The following WWOX variants were observed in gnomAD, a reference collection of about 807,000 sequenced individuals.
The protein encoded by WWOX is WW domain containing oxidoreductase, also known as WW domain-containing oxidoreductase.
Under a neutral mutation model 46.2 loss-of-function variants are expected in WWOX, and 69 were observed. The ratio of observed to expected loss-of-function variants is 1.49; its 90% CI spans 1.23 to 1.82. The LOEUF is 1.82. WWOX is among the 40% of genes most tolerant of loss of function. The probability of loss-of-function intolerance (pLI) is 0.00; values close to 1 mark genes in which losing one functional copy is unlikely to be tolerated. For synonymous variants in WWOX, 359 were observed against 202.6 expected (o/e 1.77, Z -6.56); for missense variants, 919 against 542.6 (o/e 1.69, Z -6.89).
rs79034156 is a variant in WWOX at position 78,287,893 on chromosome 16, T to G, written c.517-98967T>G. Among the ~76,000 whole-genome samples, 277 of 152,340 alleles carry G rather than the reference T, an allele frequency of 1.8e-3. 1 individual carries two copies. The highest frequency in any genetic ancestry group is 6.2e-3 in the African/African-American group (258 of 41,586). On this transcript the variant is annotated intron_variant, in intron 5 of 8. Coordinates refer to ENST00000566780, the MANE Select transcript of WWOX (RefSeq NM_016373.4). ...TTTTAATGTTCCATTCTGAAGAAAC[T>G]GGTACAGCCTTTCTTTCCTGAGTTT...
intron 8 of WWOX, among the ~76,000 whole-genome samples, chr16:79,074,682 A>G (rs1597350150): frequency 6.6e-6 from 1 of 152,096 alleles, no homozygotes; most frequent in South Asian, 2.1e-4. Flanking sequence ...GAGATATAGT[A>G]AGTTGATCAG....
At chr16:78,761,243 G>C (rs980947801) in intron 8 of WWOX, among the ~76,000 whole-genome samples, 2 of 152,070 alleles carry the variant, frequency 1.3e-5, no homozygotes, top group African/African-American at 4.8e-5. Flanking sequence ...GTTTGTAGTA[G>C]ACCATAAGCA....
intron 8 of WWOX, among the ~76,000 whole-genome samples, chr16:78,983,581 C>G (rs537185547): frequency 2.0e-5 from 3 of 152,236 alleles, no homozygotes; most frequent in South Asian, 4.2e-4. Flanking sequence ...TCCCTTTTCT[C>G]CTTGCCACAC....
chr16:78,223,244 G>T (rs1211000661), intron 5 of WWOX, among the ~76,000 whole-genome samples: 1 of 152,170 alleles, frequency 6.6e-6, no homozygotes, highest in Non-Finnish European at 1.5e-5. Flanking sequence ...TATCTTGGAG[G>T]AGAATAGGCT....
chr16:79,204,665 C>G (rs2150839533), intron 8 of WWOX: 1 of 152,378 alleles, frequency 6.6e-6, no homozygotes, highest in Non-Finnish European at 1.5e-5. Context: ...GAGAGCGTAC[C>G]AAGGTCACCC....
At position 78,574,794 on chromosome 16, in the gene WWOX, G is replaced by A. The variant is rs1231361592; in HGVS notation, c.1056+142042G>A. Among the ~76,000 whole-genome samples the A allele has an allele frequency of 2.7e-5, 4 of 150,346 alleles. No homozygotes were observed. The South Asian group carries it at 6.4e-4, about 24-fold the overall frequency. ...AGAGAGTGAGAATGGTGGTTGCTGG[G>A]GCTAGGGGGTCAGTGAAGTGGGGAG... On this transcript the variant is annotated intron_variant, in intron 8 of 8. Coordinates refer to ENST00000566780, the MANE Select transcript of WWOX (RefSeq NM_016373.4).
intron 8 of WWOX, among the ~76,000 whole-genome samples, chr16:79,107,994 A>C (rs1307630029): frequency 1.3e-5 from 2 of 152,246 alleles, no homozygotes; most frequent in African/African-American, 2.4e-5. Context: ...ATTTATTCCT[A>C]TTCAGCATAT....
At chr16:78,149,024 C>T (rs1448727009) in intron 4 of WWOX, among the ~76,000 whole-genome samples, 1 of 150,844 alleles carries the variant, frequency 6.6e-6, no homozygotes, top group Non-Finnish European at 1.5e-5. Context: ...ACAGAATCTG[C>T]TCCATCACTC....
intron 8 of WWOX, among the ~76,000 whole-genome samples, chr16:78,595,065 C>T (rs1405194177): frequency 2.6e-5 from 4 of 152,132 alleles, no homozygotes; most frequent in Non-Finnish European, 5.9e-5. Context: ...TTGGGGACCC[C>T]AGGGTGGAAG....
At chr16:78,764,354 C>G (rs899564738) in intron 8 of WWOX, among the ~76,000 whole-genome samples, 38 of 151,548 alleles carry the variant, frequency 2.5e-4, no homozygotes, top group African/African-American at 9.2e-4. Flanking sequence ...TCCCTGTGAG[C>G]TTGACACAGG....
chr16:78,556,128 C>T (rs1408036403), intron 8 of WWOX, among the ~76,000 whole-genome samples: 3 of 152,004 alleles, frequency 2.0e-5, no homozygotes, highest in Admixed American at 6.6e-5. Flanking sequence ...AGACCACAGA[C>T]AGGCTTTTTC....
intron 5 of WWOX, among the ~76,000 whole-genome samples, chr16:78,291,114 G>A (rs4888776): frequency 0.52 from 78,840 of 152,058 alleles, 21,440 homozygotes; most frequent in East Asian, 0.77. Context: ...ATGTTTTTCA[G>A]TAGTGTCATG....
intron 8 of WWOX, among the ~76,000 whole-genome samples, chr16:79,131,644 C>G (rs577716771): frequency 6.6e-6 from 1 of 152,160 alleles, no homozygotes; most frequent in Non-Finnish European, 1.5e-5. Context: ...GAGGCTTTAT[C>G]TCTGCCATGG....
At chr16:78,560,615 G>T (rs575752386) in intron 8 of WWOX, among the ~76,000 whole-genome samples, 4 of 152,170 alleles carry the variant, frequency 2.6e-5, no homozygotes, top group African/African-American at 7.2e-5. Context: ...TTATACTCCA[G>T]TCTAGGCAAC....
At chr16:78,458,449 C>A (rs370623312) in intron 8 of WWOX, among the ~76,000 whole-genome samples, 4 of 151,786 alleles carry the variant, frequency 2.6e-5, no homozygotes, top group Non-Finnish European at 4.4e-5. Context: ...TTTATAGAGA[C>A]AAGGTTTCCC....
chr16:78,749,438 C>T (rs528220703), intron 8 of WWOX, among the ~76,000 whole-genome samples: 1 of 152,200 alleles, frequency 6.6e-6, no homozygotes, highest in South Asian at 2.1e-4. Flanking sequence ...AAGAGAGAGA[C>T]CCAAAATAGT....
At chr16:79,113,513 G>A (rs1274400830) in intron 8 of WWOX, among the ~76,000 whole-genome samples, 1 of 152,352 alleles carries the variant, frequency 6.6e-6, no homozygotes, top group East Asian at 1.9e-4. Flanking sequence ...CATTGTATAT[G>A]TTAATTCAAA....
chr16:78,876,470 CTT>C (rs5818185), intron 8 of WWOX, among the ~76,000 whole-genome samples: 34 of 124,950 alleles, frequency 2.7e-4, no homozygotes, highest in African/African-American at 5.6e-4. Context: ...CTTGACTCTT[CTT>C]TTTTTTTTTT....
chr16:78,829,915 C>T (rs2051769784), intron 8 of WWOX, among the ~76,000 whole-genome samples: 1 of 152,104 alleles, frequency 6.6e-6, no homozygotes, highest in African/African-American at 2.4e-5. Flanking sequence ...TACCATCTGA[C>T]ATATACATTC....
Sources: allele counts gnomAD v4.1 joint callset (sites outside exome capture counted in the v4.1 genomes callset), GRCh38; gene constraint gnomAD v4.1.1; transcripts MANE v1.5; gene names NCBI Gene and HGNC (gene_info 2026-07-23, HGNC 2026-07-21).